The following BACE1 variants were observed in gnomAD, a reference collection of about 807,000 sequenced individuals.
BACE1 encodes the protein APP beta-secretase.
In BACE1, 21 loss-of-function variants were observed where a neutral mutation model predicts 54.0. The observed-to-expected ratio is 0.39, with a 90% CI of 0.28 to 0.56. BACE1 has a LOEUF of 0.56. BACE1 is among the 20% of genes least tolerant of loss of function. The pLI, the probability that BACE1 is intolerant of heterozygous loss-of-function variation, is 0.63. For synonymous variants in BACE1, 232 were observed against 260.9 expected (o/e 0.89, Z 1.07); for missense variants, 511 against 661.2 (o/e 0.77, Z 2.49).
In BACE1 at chr11:117,291,820, G is replaced by C; in HGVS notation, c.841-7C>G. 6.3e-7 allele frequency: 1 copy of C among 1,597,732 alleles called. No homozygotes were observed. Among genetic ancestry groups the C allele is most frequent in the South Asian group, 1.1e-5 (1 of 90,728 alleles). Reference sequence around the variant, plus strand: ...TGCTCTTGTCATAGTTGTACTAAGAGGGAAAAGAGAGAGTTAAAAGAGTCA... The same window carrying C: ...TGCTCTTGTCATAGTTGTACTAAGACGGAAAAGAGAGAGTTAAAAGAGTCA... On this transcript the variant is annotated splice_region_variant and splice_polypyrimidine_tract_variant and intron_variant, in intron 5 of 8. Coordinates refer to ENST00000313005, the MANE Select transcript of BACE1 (RefSeq NM_012104.6).
rs145565779 is a variant in BACE1, at chr11:117,293,107, T to C, written c.787A>G (p.Ile263Val). The C allele has an allele frequency of 2.5e-6, 4 of 1,614,100 alleles. No homozygotes were observed. Among genetic ancestry groups the C allele is most frequent in the Non-Finnish European group, 3.4e-6 (4 of 1,180,012 alleles). The change falls in exon 5 of 9, where the codon ATC becomes GTC. Residue 263 changes from isoleucine to valine, a missense_variant. Ile to Val is a conservative substitution (Grantham distance 29, BLOSUM62 3). This residue lies in a region of BACE1 where 407 missense variants were observed against 565.7 expected (regional missense o/e 0.72). Transcript: ENST00000313005. The surrounding 1 kb of genome is among the most constrained non-coding windows in gnomAD (Gnocchi z 4.1). Reference protein sequence around the residue: ...PIRREWYYEVIIVRVEINGQD... With the variant: ...PIRREWYYEVVIVRVEINGQD... ...CCATTGATCTCCACCCGCACAATGA[T>C]CACCTCATAATACCACTCCCGCCGG...
intron 1 of BACE1, chr11:117,299,595 GC>G (rs2034677384): frequency 8.6e-6 from 3 of 347,682 alleles, no homozygotes; most frequent in South Asian, 2.1e-5. Flanking sequence ...CTCCTTCCCA[GC>G]CCCCCACTCC....
At chr11:117,306,598 A>G (rs1482430908) in intron 1 of BACE1, among the ~76,000 whole-genome samples, 2 of 152,078 alleles carry the variant, frequency 1.3e-5, no homozygotes, top group Non-Finnish European at 2.9e-5. Context: ...ACTTGAGGTC[A>G]AGGAGTTTGA....
chr11:117,295,983 T>C (rs1214483924), intron 2 of BACE1, among the ~76,000 whole-genome samples: 1 of 151,934 alleles, frequency 6.6e-6, no homozygotes, highest in Non-Finnish European at 1.5e-5. Flanking sequence ...GGAACTGGAG[T>C]GAATGCCCTT....
intron 1 of BACE1, among the ~76,000 whole-genome samples, chr11:117,313,193 G>C (rs2034993235): frequency 6.6e-6 from 1 of 152,204 alleles, no homozygotes; most frequent in Non-Finnish European, 1.5e-5. Flanking sequence ...GCAGAGACTG[G>C]CTGATGCAGG....
In BACE1 at chr11:117,315,605, A is replaced by G. The variant is rs764642283; in HGVS notation, c.191T>C (p.Val64Ala). ...PGRRGSFVEM[V>A]DNLRGKSGQG... ...CCCCGACTTGCCCCTCAGGTTGTCC[A>G]CCATCTCCACAAAGCTGCCCCTCCG... Residue 64 changes from valine (V) to alanine (A), a missense_variant, in exon 1 of 9, where the codon GTG becomes GCG. Coordinates refer to ENST00000313005, the MANE Select transcript of BACE1 (RefSeq NM_012104.6). The surrounding 1 kb of genome is among the most constrained non-coding windows in gnomAD (Gnocchi z 5.5). 1.3e-5 allele frequency: 21 copies of G among 1,588,902 alleles called. No individual in the cohort carries two copies. The Admixed American group carries it at 3.3e-4, about 25-fold the overall frequency.
intron 1 of BACE1, among the ~76,000 whole-genome samples, chr11:117,302,226 G>A (rs1028073277): frequency 2.0e-5 from 3 of 152,054 alleles, no homozygotes; most frequent in South Asian, 2.1e-4. Context: ...CCAGCGACTC[G>A]GAAGGCTGAG....
chr11:117,299,808 CTCTTCCCCAT>C (rs2034682441), intron 1 of BACE1: 1 of 273,538 alleles, frequency 3.7e-6, no homozygotes, highest in Non-Finnish European at 7.2e-6. Context: ...CCCACGAACC[CTCTTCCCCAT>C]TCTCAGGACT....
chr11:117,310,004 G>T (rs2034910739), intron 1 of BACE1, among the ~76,000 whole-genome samples: 1 of 152,124 alleles, frequency 6.6e-6, no homozygotes, highest in South Asian at 2.1e-4. Context: ...CACCTCACGG[G>T]CTCAAGCGAT....
Position 117,289,392 on chromosome 11 carries a change from C to G in BACE1, c.*174G>C. The G allele has an allele frequency of 1.8e-6, 2 of 1,129,262 alleles. No individual in the cohort carries two copies. Among genetic ancestry groups the G allele is most frequent in the Non-Finnish European group, 2.4e-6 (2 of 819,540 alleles). 70.0% of individuals were successfully genotyped at this position (1,129,262 alleles called of 1,614,324 possible). ...TTTCTGTTTCCTACAGGTACAGTCC[C>G]TGGAACCCACCTTGCCAGCCTTTTC... On this transcript the variant is annotated 3_prime_UTR_variant, in exon 9 of 9. Transcript: ENST00000313005.
At chr11:117,304,644 C>T (rs1348582052) in intron 1 of BACE1, among the ~76,000 whole-genome samples, 1 of 152,206 alleles carries the variant, frequency 6.6e-6, no homozygotes, top group Admixed American at 6.5e-5. Flanking sequence ...TTTCCCTGTT[C>T]TCATGTTCAC....
intron 1 of BACE1, chr11:117,299,655 C>T (rs555834266): frequency 7.4e-5 from 30 of 404,844 alleles, no homozygotes; most frequent in Non-Finnish European, 9.8e-5. Flanking sequence ...TACCTCTACC[C>T]GTGGTCTCTC....
intron 1 of BACE1, among the ~76,000 whole-genome samples, chr11:117,307,163 G>C (rs2034848900): frequency 6.6e-6 from 1 of 152,164 alleles, no homozygotes; most frequent in Non-Finnish European, 1.5e-5. Flanking sequence ...ATCCTGCCAG[G>C]AGAATCTCAG....
At position 117,296,971 on chromosome 11, in the gene BACE1, A is replaced by G. The variant is rs749462718; in HGVS notation, c.262-10T>C. ...CCACCAGGATGTTGAGCTGTCAGAG[A>G]AAGGGGAGAGAAAAGACAGTATAGA... On this transcript the variant is annotated splice_polypyrimidine_tract_variant and intron_variant, in intron 1 of 8. Transcript: ENST00000313005. The G allele has an allele frequency of 6.2e-7, 1 of 1,610,408 alleles. No individual in the cohort carries two copies. The highest frequency in any genetic ancestry group is 8.5e-7 in the Non-Finnish European group (1 of 1,176,916).
At chr11:117,301,599 A>C (rs2034727377) in intron 1 of BACE1, among the ~76,000 whole-genome samples, 1 of 149,246 alleles carries the variant, frequency 6.7e-6, no homozygotes, top group East Asian at 2.0e-4. Context: ...ACAGAACAAG[A>C]CCGTCTCAAA....
rs748813568 is a variant in BACE1 at position 117,289,355 on chromosome 11, T to C, written c.*211A>G. The C allele has an allele frequency of 1.4e-6, 1 of 726,362 alleles. No individual in the cohort carries two copies. The highest frequency in any genetic ancestry group is 2.1e-6 in the Non-Finnish European group (1 of 470,446). The allele number at this position is 726,362 out of a possible 1,614,324, so 45.0% of individuals were successfully genotyped here. A position where few individuals can be genotyped will look rare whatever the true frequency, so the allele number is the denominator to read the frequency against. On this transcript the variant is annotated 3_prime_UTR_variant, in exon 9 of 9. Transcript: ENST00000313005. ...AGAGTATTCCCGCCAGCAGAGTGCT[T>C]CTTTCTTCTCTTTTCTGTTTCCTAC...
rs1428262156 is a variant in BACE1, at chr11:117,315,507, G to A, written c.261+28C>T. ...TCTCCCCTCTGCTCATGCAGGCGGAGGGCTAAGGGCTGGCCTGACCACCTT... is the reference window on the plus strand; with the variant it reads ...TCTCCCCTCTGCTCATGCAGGCGGAAGGCTAAGGGCTGGCCTGACCACCTT... On this transcript the variant is annotated intron_variant, in intron 1 of 8. Transcript: ENST00000313005. The surrounding 1 kb of genome is among the most constrained non-coding windows in gnomAD (Gnocchi z 5.5). 1 of 1,565,974 alleles carries A rather than the reference G, an allele frequency of 6.4e-7. No individual in the cohort carries two copies.
At chr11:117,302,427 C>T (rs2034745495) in intron 1 of BACE1, among the ~76,000 whole-genome samples, 1 of 152,236 alleles carries the variant, frequency 6.6e-6, no homozygotes, top group Non-Finnish European at 1.5e-5. Flanking sequence ...CAGTTCCCCA[C>T]ACCAGCCATG....
chr11:117,296,493 C>T (rs1262090414), intron 2 of BACE1, among the ~76,000 whole-genome samples: 1 of 152,156 alleles, frequency 6.6e-6, no homozygotes, highest in Non-Finnish European at 1.5e-5. Context: ...TCAGCTTAGA[C>T]TTAGCTGGTG....
Sources: gnomAD v4.1 joint callset for allele counts (sites outside exome capture counted in the v4.1 genomes callset) on GRCh38, gnomAD v4.1.1 for gene constraint, gnomAD v4.1.1 regional missense constraint, Gnocchi (gnomAD v3.1) non-coding constraint, MANE v1.5 for transcripts, NCBI Gene and HGNC (gene_info 2026-07-23, HGNC 2026-07-21) for gene names.